THOC1: variants seen among roughly 807,000 people sequenced by gnomAD.
THOC1 encodes THO complex 1.
THOC1 carries 29 observed loss-of-function variants against 97.3 expected under a neutral mutation model. The ratio of observed to expected loss-of-function variants is 0.30; its 90% CI spans 0.22 to 0.41. The LOEUF is 0.41. Ranked by LOEUF, THOC1 falls within the 10% of genes least tolerant of loss-of-function variation. The pLI is 1.00. For synonymous variants in THOC1, 255 were observed against 257.0 expected (o/e 0.99, Z 0.07); for missense variants, 529 against 761.9 (o/e 0.69, Z 3.60).
chr18:239,593 T>C (rs1443400098), intron 11 of THOC1, among the ~76,000 whole-genome samples: 4 of 152,190 alleles, frequency 2.6e-5, no homozygotes, highest in Non-Finnish European at 4.4e-5. Flanking sequence ...GCGTGAGCCA[T>C]TGTGCCTGGC....
intron 4 of THOC1, 86 bp downstream of exon 4, chr18:263,940 T>C (rs1598308563): frequency 9.8e-7 from 1 of 1,020,898 alleles, no homozygotes; most frequent in Non-Finnish European, 1.5e-6. Flanking sequence ...ATCAGATAGG[T>C]GGAGAAGTAT....
At position 264,011 on chromosome 18, in the gene THOC1, C is replaced by T. The variant is rs748678343; in HGVS notation, c.256+15G>A. The T allele has an allele frequency of 1.0e-5, 16 of 1,596,660 alleles. No individual in the cohort carries two copies. The highest frequency in any genetic ancestry group is 1.7e-4 in the Middle Eastern group (1 of 6,038). ...CAAGATTACTTTAAACAAAACAAAA[C>T]GGAACCATACTTACCTTCAGTTACT... is the stretch of plus-strand genomic sequence containing the variant. On this transcript the variant is annotated intron_variant, in intron 4 of 20. Transcript: ENST00000261600.
At chr18:240,927 A>G (rs9965064) in intron 11 of THOC1, among the ~76,000 whole-genome samples, 24,290 of 152,132 alleles carry the variant, frequency 0.16, 2,286 homozygotes, top group African/African-American at 0.25. Flanking sequence ...TTAGATTCTC[A>G]TAAGGAGCAC....
At chr18:267,349 T>C (rs756568723) in intron 1 of THOC1, among the ~76,000 whole-genome samples, 3 of 152,180 alleles carry the variant, frequency 2.0e-5, no homozygotes, top group Non-Finnish European at 2.9e-5. Context: ...GTTACTCTAA[T>C]AGTTAAATGA....
chr18:216,387 T>C, intron 19 of THOC1, 99 bp downstream of exon 19: 2 of 1,340,234 alleles, frequency 1.5e-6, no homozygotes, highest in Non-Finnish European at 2.0e-6. Flanking sequence ...GGATCACTGG[T>C]TTTTCACATG....
rs1912367518 is a variant in THOC1 at position 254,186 on chromosome 18, A to G, written c.603+87T>C. The G allele has an allele frequency of 2.2e-6, 2 of 928,124 alleles. No homozygotes were observed. The highest frequency in any genetic ancestry group is 3.4e-6 in the Non-Finnish European group (2 of 585,632). The allele number at this position is 928,124 out of a possible 1,614,324, so 57.5% of individuals were successfully genotyped here. On this transcript the variant is annotated intron_variant, in intron 8 of 20. Coordinates refer to ENST00000261600, the MANE Select transcript of THOC1 (RefSeq NM_005131.3). This position sits in a 1 kb window ranked among gnomAD's most constrained non-coding sequence, Gnocchi z 4.1. Reference sequence around the variant, plus strand: ...CTCAGCCTCCCAAAGTGCTAGGATTACAAGTGTGAGCCACTGTGCCTGGAC... The same window carrying G: ...CTCAGCCTCCCAAAGTGCTAGGATTGCAAGTGTGAGCCACTGTGCCTGGAC...
At chr18:230,315 T>C (rs562333284) in intron 11 of THOC1, among the ~76,000 whole-genome samples, 1 of 152,270 alleles carries the variant, frequency 6.6e-6, no homozygotes, top group African/African-American at 2.4e-5. Flanking sequence ...ACTGGCCTAT[T>C]TGAAGGACCG....
intron 1 of THOC1, among the ~76,000 whole-genome samples, chr18:267,519 G>A (rs939669954): frequency 2.0e-5 from 3 of 152,232 alleles, no homozygotes; most frequent in Non-Finnish European, 2.9e-5. Context: ...TGGGTTAAGG[G>A]GTGGTGAAGA....
At chr18:247,816 TG>T in intron 10 of THOC1, 32 bp downstream of exon 10, 1 of 1,296,460 alleles carries the variant, frequency 7.7e-7, no homozygotes. Context: ...TATAAAATAC[TG>T]GGCTTCTGAT....
chr18:229,938 C>G (rs1278596426), intron 11 of THOC1, among the ~76,000 whole-genome samples: 2 of 152,168 alleles, frequency 1.3e-5, no homozygotes, highest in African/African-American at 4.8e-5. Context: ...CCCTTTAGCT[C>G]ATTTCATACA....
chr18:259,999 T>G, intron 5 of THOC1, 187 bp downstream of exon 5: 1 of 523,656 alleles, frequency 1.9e-6, no homozygotes, highest in Non-Finnish European at 3.3e-6. Flanking sequence ...AATTTTGTAT[T>G]TCAAGTTTTT....
At chr18:220,384 T>C (rs932825731) in intron 17 of THOC1, among the ~76,000 whole-genome samples, 1 of 152,192 alleles carries the variant, frequency 6.6e-6, no homozygotes, top group Non-Finnish European at 1.5e-5. Context: ...AAATGCTAGT[T>C]GAAATTACTA....
chr18:248,649 T>C (rs571768900), intron 9 of THOC1, among the ~76,000 whole-genome samples: 2 of 152,336 alleles, frequency 1.3e-5, no homozygotes, highest in African/African-American at 4.8e-5. Flanking sequence ...CAAGTTAGCA[T>C]CACAAAAATA....
chr18:267,367 A>C (rs645560), intron 1 of THOC1, among the ~76,000 whole-genome samples: 27,368 of 152,198 alleles, frequency 0.18, 2,716 homozygotes, highest in Non-Finnish European at 0.23. Context: ...TGAGAAAGTG[A>C]TCTGTCAAGT....
intron 7 of THOC1, among the ~76,000 whole-genome samples, chr18:255,668 T>C (rs1308286728): frequency 2.0e-5 from 3 of 152,208 alleles, no homozygotes; most frequent in African/African-American, 7.2e-5. Context: ...AGAATATTGA[T>C]GAAGGTGGCT....
chr18:244,813 G>A (rs1372464950), intron 11 of THOC1: 1 of 151,768 alleles, frequency 6.6e-6, no homozygotes. Context: ...GACAGATGTT[G>A]GAAATTCCCA....
At chr18:234,895 T>C (rs1233784193) in intron 11 of THOC1, among the ~76,000 whole-genome samples, 1 of 152,192 alleles carries the variant, frequency 6.6e-6, no homozygotes, top group Non-Finnish European at 1.5e-5. Context: ...GATTTTAAGT[T>C]ATAATCTTAC....
Position 259,164 on chromosome 18 carries a change from A to G in THOC1, c.520+16T>C, listed in dbSNP as rs572569477. 7.6e-6 allele frequency: 12 copies of G among 1,577,654 alleles called. No homozygotes were observed. The highest frequency in any genetic ancestry group is 1.0e-5 in the Non-Finnish European group (12 of 1,156,294). ...GATTTTCCTGCAGAAAACTCATTTA[A>G]TGCATAAAAGCTTACCTGATTTCTC... is the stretch of plus-strand genomic sequence containing the variant. On this transcript the variant is annotated intron_variant, in intron 7 of 20. Transcript: ENST00000261600.
At chr18:236,515 C>T (rs1302739647) in intron 11 of THOC1, among the ~76,000 whole-genome samples, 2 of 151,512 alleles carry the variant, frequency 1.3e-5, no homozygotes, top group African/African-American at 4.8e-5. Flanking sequence ...CGCTACCACG[C>T]CCGGCTAATT....
Sources: allele counts gnomAD v4.1 joint callset (sites outside exome capture counted in the v4.1 genomes callset), GRCh38; gene constraint gnomAD v4.1.1; non-coding constraint Gnocchi (gnomAD v3.1); transcripts MANE v1.5; gene names NCBI Gene and HGNC (gene_info 2026-07-23, HGNC 2026-07-21).